Variants in EPHB1 observed in about 807,000 individuals in gnomAD.
EPHB1 encodes the protein EPH receptor B1.
Under a neutral mutation model 94.4 loss-of-function variants are expected in EPHB1, and 30 were observed. That is an observed-to-expected ratio of 0.32 (90% confidence interval 0.24 to 0.43). The LOEUF is 0.43. EPHB1 is among the 20% of genes least tolerant of loss of function. The probability of loss-of-function intolerance (pLI) is 1.00; values close to 1 mark genes in which losing one functional copy is unlikely to be tolerated. For synonymous variants in EPHB1, 522 were observed against 489.1 expected (o/e 1.07, Z -0.89); for missense variants, 1,055 against 1,308.3 (o/e 0.81, Z 2.99).
At chr3:135,153,645 TATCAGGAA>T (rs1941262452) in intron 5 of EPHB1, among the ~76,000 whole-genome samples, 1 of 152,222 alleles carries the variant, frequency 6.6e-6, no homozygotes, top group South Asian at 2.1e-4. Context: ...TAACTTGCAG[TATCAGGAA>T]TAGATGTTTG....
intron 3 of EPHB1, among the ~76,000 whole-genome samples, chr3:135,036,774 G>A (rs749739390): frequency 1.3e-5 from 2 of 152,174 alleles, no homozygotes; most frequent in African/African-American, 4.8e-5. Flanking sequence ...AGGCAGCTAG[G>A]TCAGGAAACC....
chr3:135,133,595 T>C (rs1576415237), intron 5 of EPHB1, among the ~76,000 whole-genome samples: 1 of 152,238 alleles, frequency 6.6e-6, no homozygotes, highest in African/African-American at 2.4e-5. Flanking sequence ...CATTTTCCAA[T>C]TAAATCTATG....
intron 5 of EPHB1, among the ~76,000 whole-genome samples, chr3:135,149,880 G>T (rs975578217): frequency 1.3e-5 from 2 of 152,182 alleles, no homozygotes; most frequent in Non-Finnish European, 2.9e-5. Flanking sequence ...CTGCTGGGGA[G>T]TCCATACCAT....
chr3:134,868,622 C>T (rs1042995998), intron 1 of EPHB1, among the ~76,000 whole-genome samples: 4 of 152,124 alleles, frequency 2.6e-5, no homozygotes, highest in Admixed American at 2.0e-4. Flanking sequence ...AAATGGAATA[C>T]TGAGTGTGAG....
At chr3:135,247,694 G>C (rs1256187204) in intron 13 of EPHB1, among the ~76,000 whole-genome samples, 1 of 152,172 alleles carries the variant, frequency 6.6e-6, no homozygotes, top group Non-Finnish European at 1.5e-5. Context: ...TATTTTGACT[G>C]TTGTCATTGA....
chr3:134,955,901 T>C (rs926360406), intron 3 of EPHB1, among the ~76,000 whole-genome samples: 3 of 152,208 alleles, frequency 2.0e-5, no homozygotes, highest in Non-Finnish European at 2.9e-5. Context: ...TGAGAAATCA[T>C]AGCTTTGTCT....
At chr3:134,840,849 T>C (rs1198570587) in intron 1 of EPHB1, among the ~76,000 whole-genome samples, 1 of 152,198 alleles carries the variant, frequency 6.6e-6, no homozygotes, top group Non-Finnish European at 1.5e-5. Context: ...AAGAGTTTCC[T>C]GGGAAGCTTC....
intron 12 of EPHB1, among the ~76,000 whole-genome samples, chr3:135,227,889 C>G (rs1943437908): frequency 6.6e-6 from 1 of 152,116 alleles, no homozygotes; most frequent in Admixed American, 6.5e-5. Context: ...CTCTCTTTCT[C>G]TCTCTGTAAA....
intron 12 of EPHB1, among the ~76,000 whole-genome samples, chr3:135,204,822 T>C (rs965839030): frequency 2.0e-5 from 3 of 151,718 alleles, no homozygotes; most frequent in African/African-American, 4.8e-5. Flanking sequence ...TTAAAATGTA[T>C]AATTGAATTA....
intron 3 of EPHB1, among the ~76,000 whole-genome samples, chr3:135,081,096 A>AG (rs891302843): frequency 2.0e-5 from 3 of 152,120 alleles, no homozygotes; most frequent in Non-Finnish European, 2.9e-5. Flanking sequence ...AATCAGGTGA[A>AG]GGAGGGGAGG....
intron 2 of EPHB1, among the ~76,000 whole-genome samples, chr3:134,947,850 A>C (rs982995589): frequency 2.0e-5 from 3 of 152,234 alleles, no homozygotes; most frequent in Admixed American, 2.0e-4. Flanking sequence ...GCTGGAGTAC[A>C]GTGGTGCGAG....
intron 12 of EPHB1, among the ~76,000 whole-genome samples, chr3:135,233,318 A>G (rs1042392841): frequency 6.6e-6 from 1 of 152,258 alleles, no homozygotes; most frequent in Non-Finnish European, 1.5e-5. Flanking sequence ...CAAAGGGGCT[A>G]CAGGCCCCAT....
intron 12 of EPHB1, among the ~76,000 whole-genome samples, chr3:135,235,688 A>G (rs558057136): frequency 3.0e-4 from 45 of 152,344 alleles, no homozygotes; most frequent in African/African-American, 1.0e-3. Flanking sequence ...TGAGTAATCA[A>G]AGAAAATGTG....
At chr3:135,228,140 A>C (rs1943443484) in intron 12 of EPHB1, among the ~76,000 whole-genome samples, 1 of 152,040 alleles carries the variant, frequency 6.6e-6, no homozygotes, top group African/African-American at 2.4e-5. Flanking sequence ...TTTTCGCTCT[A>C]GTACAGGATC....
At chr3:134,977,844 T>G (rs1403841168) in intron 3 of EPHB1, 2 of 392,708 alleles carry the variant, frequency 5.1e-6, no homozygotes, top group South Asian at 3.9e-5. Context: ...GAAACCACCT[T>G]AAGCCCTGTA....
rs556736838 is a variant in EPHB1 at position 135,077,902 on chromosome 3, T to A, written c.806-28546T>A. On this transcript the variant is annotated intron_variant, in intron 3 of 15. Coordinates refer to ENST00000398015, the MANE Select transcript of EPHB1 (RefSeq NM_004441.5). ...TTTGCCATTGGTTTAGTTATTTACT[T>A]CCATGTATAAACAGCCCTAATTTTG... Among the ~76,000 whole-genome samples the A allele has an allele frequency of 6.8e-4, 104 of 152,342 alleles. No homozygotes were observed. The South Asian group carries it at 0.012, about 18-fold the overall frequency.
At chr3:134,934,752 G>A (rs2038970152) in intron 2 of EPHB1, among the ~76,000 whole-genome samples, 1 of 152,132 alleles carries the variant, frequency 6.6e-6, no homozygotes. Context: ...CTAGCTTGCT[G>A]TATTAAACAA....
In EPHB1 at chr3:135,253,689, G is replaced by A. The variant is rs375609400; in HGVS notation, c.2846+4198G>A. 9.8e-3 allele frequency among the ~76,000 whole-genome samples: 1,402 copies of A among 142,646 alleles called. 8 individuals are homozygous for A. The highest frequency in any genetic ancestry group is 0.015 in the Admixed American group (207 of 14,250). 93.6% of individuals were successfully genotyped at this position (142,646 alleles called of 152,430 possible). A position where few individuals can be genotyped will look rare whatever the true frequency, so the allele number is the denominator to read the frequency against. On this transcript the variant is annotated intron_variant, in intron 15 of 15. Coordinates refer to ENST00000398015, the MANE Select transcript of EPHB1 (RefSeq NM_004441.5). ...TCTTTTGGCTTAGGATTGACTTGGC[G>A]ATGCGGGCTCTTTTTTGGTTCCATA...
intron 12 of EPHB1, among the ~76,000 whole-genome samples, chr3:135,209,572 G>A (rs186337944): frequency 1.8e-4 from 27 of 152,206 alleles, no homozygotes; most frequent in African/African-American, 5.1e-4. Flanking sequence ...TGGCCTATGC[G>A]CTTCAAAAAA....
Sources: allele counts gnomAD v4.1 joint callset (sites outside exome capture counted in the v4.1 genomes callset), GRCh38; gene constraint gnomAD v4.1.1; transcripts MANE v1.5; gene names NCBI Gene and HGNC (gene_info 2026-07-23, HGNC 2026-07-21).